The following CHCHD6 variants were observed in gnomAD, a reference collection of about 807,000 sequenced individuals.
CHCHD6 encodes MICOS complex subunit MIC25.
A neutral mutation model predicts 32.3 loss-of-function variants in CHCHD6; 28 were observed. The ratio of observed to expected loss-of-function variants is 0.87; its 90% CI spans 0.64 to 1.19. The LOEUF is 1.19. Among genes scored for constraint, CHCHD6 ranks in the 50% most tolerant of loss-of-function variants. The pLI, the probability that CHCHD6 is intolerant of heterozygous loss-of-function variation, is 0.00. For missense variants in CHCHD6, 333 were observed against 307.0 expected, an observed-to-expected ratio of 1.08 and a Z score of -0.63; for synonymous variants, 122 against 117.5, an observed-to-expected ratio of 1.04 and a Z score of -0.25.
rs116252682 is a variant in CHCHD6, at chr3:126,756,011, C to T, written c.411+22789C>T. 1.8e-3 allele frequency among the ~76,000 whole-genome samples: 267 copies of T among 152,250 alleles called. 1 individual carries two copies. Among genetic ancestry groups the T allele is most frequent in the African/African-American group, 6.2e-3 (256 of 41,542 alleles). On this transcript the variant is annotated intron_variant, in intron 4 of 7. Transcript: ENST00000290913. Reference sequence around the variant, plus strand: ...TGTGAGGCTCTGGGAGGTTAGTAAACTGTCCAGGGCCGTGCAGTGGGTCTG... The same window carrying T: ...TGTGAGGCTCTGGGAGGTTAGTAAATTGTCCAGGGCCGTGCAGTGGGTCTG...
intron 5 of CHCHD6, among the ~76,000 whole-genome samples, chr3:126,868,248 A>G (rs1346094036): frequency 6.6e-6 from 1 of 152,222 alleles, no homozygotes; most frequent in Non-Finnish European, 1.5e-5. Context: ...AGACTGCATC[A>G]GAGACGAGCC....
At chr3:126,885,212 A>G (rs930397775) in intron 5 of CHCHD6, among the ~76,000 whole-genome samples, 4 of 152,202 alleles carry the variant, frequency 2.6e-5, no homozygotes, top group Non-Finnish European at 5.9e-5. Context: ...GCTCCAGTCA[A>G]CGTGGGCCTC....
At position 126,768,269 on chromosome 3, in the gene CHCHD6, C is replaced by T. The variant is rs73201777; in HGVS notation, c.411+35047C>T. On this transcript the variant is annotated intron_variant, in intron 4 of 7. Coordinates refer to ENST00000290913, the MANE Select transcript of CHCHD6 (RefSeq NM_032343.3). ...TAAAAGTGTGTAGCACCTCCCCTAA[C>T]CTCTCTCTCTCGCTCCTGCTTCTGC... Among the ~76,000 whole-genome samples the T allele has an allele frequency of 8.6e-3, 1,302 of 152,122 alleles. 10 individuals carry two copies. The highest frequency in any genetic ancestry group is 0.017 in the Middle Eastern group (5 of 294).
At chr3:126,921,824 A>G (rs2078252676) in intron 6 of CHCHD6, among the ~76,000 whole-genome samples, 3 of 152,332 alleles carry the variant, frequency 2.0e-5, no homozygotes, top group South Asian at 2.1e-4. Context: ...ACCTGAGAGA[A>G]TGAATTGTTT....
At chr3:126,713,295 C>T (rs556995536) in intron 1 of CHCHD6, among the ~76,000 whole-genome samples, 28 of 152,304 alleles carry the variant, frequency 1.8e-4, no homozygotes, top group African/African-American at 6.5e-4. Flanking sequence ...CAGTCCTGCT[C>T]CCAGAGGCAG....
intron 4 of CHCHD6, among the ~76,000 whole-genome samples, chr3:126,813,510 T>G (rs116550171): frequency 0.012 from 1,813 of 152,340 alleles, 20 homozygotes; most frequent in Middle Eastern, 0.048. Flanking sequence ...TCTGAGCATC[T>G]GCTAGGTACT....
At chr3:126,768,218 G>A (rs556641329) in intron 4 of CHCHD6, among the ~76,000 whole-genome samples, 2 of 152,268 alleles carry the variant, frequency 1.3e-5, no homozygotes, top group African/African-American at 4.8e-5. Flanking sequence ...GTGATAGTGA[G>A]TGAATTCTTG....
chr3:126,848,703 A>G (rs1307843490), intron 4 of CHCHD6, among the ~76,000 whole-genome samples: 1 of 152,178 alleles, frequency 6.6e-6, no homozygotes, highest in Non-Finnish European at 1.5e-5. Context: ...TTTAGTTTCT[A>G]ATTGTTGAAG....
intron 6 of CHCHD6, among the ~76,000 whole-genome samples, chr3:126,944,364 A>C (rs768022474): frequency 6.6e-6 from 1 of 152,030 alleles, no homozygotes; most frequent in African/African-American, 2.4e-5. Context: ...TGGAGCCCCA[A>C]TGACTTAATT....
intron 5 of CHCHD6, among the ~76,000 whole-genome samples, chr3:126,869,886 G>A (rs73205616): frequency 0.025 from 3,843 of 152,262 alleles, 62 homozygotes; most frequent in Middle Eastern, 0.061. Context: ...CAATTAAGCA[G>A]TCACATTCAT....
chr3:126,931,403 G>A (rs1196397168), intron 6 of CHCHD6, among the ~76,000 whole-genome samples: 2 of 152,192 alleles, frequency 1.3e-5, no homozygotes, highest in Admixed American at 1.3e-4. Context: ...GCCTGCTTCT[G>A]CAGAGCCGAC....
At chr3:126,922,778 T>G (rs2078271035) in intron 6 of CHCHD6, among the ~76,000 whole-genome samples, 2 of 152,156 alleles carry the variant, frequency 1.3e-5, no homozygotes, top group South Asian at 4.1e-4. Flanking sequence ...TGCAGGCATT[T>G]ACTCCCATGC....
At chr3:126,757,430 A>AG in intron 4 of CHCHD6, among the ~76,000 whole-genome samples, 1 of 152,274 alleles carries the variant, frequency 6.6e-6, no homozygotes, top group Non-Finnish European at 1.5e-5. Context: ...CAAAAGGAAA[A>AG]GGGAAAATAT....
intron 4 of CHCHD6, among the ~76,000 whole-genome samples, chr3:126,786,875 T>C (rs1938239483): frequency 6.6e-6 from 1 of 152,162 alleles, no homozygotes; most frequent in Non-Finnish European, 1.5e-5. Context: ...TTGCTTTTGG[T>C]GTTTTAGACA....
intron 6 of CHCHD6, among the ~76,000 whole-genome samples, chr3:126,944,637 G>T (rs1326261819): frequency 6.6e-6 from 1 of 152,240 alleles, no homozygotes; most frequent in African/African-American, 2.4e-5. Flanking sequence ...AGTGAGAGGG[G>T]ACAGAGAGGC....
At chr3:126,825,965 A>G (rs770403481) in intron 4 of CHCHD6, among the ~76,000 whole-genome samples, 2 of 151,878 alleles carry the variant, frequency 1.3e-5, no homozygotes, top group Admixed American at 6.6e-5. Flanking sequence ...TCTCTGAAGG[A>G]CTCTTTCCAA....
At chr3:126,903,082 C>A (rs2077953872) in intron 5 of CHCHD6, among the ~76,000 whole-genome samples, 1 of 152,194 alleles carries the variant, frequency 6.6e-6, no homozygotes, top group East Asian at 1.9e-4. Context: ...CTGAGGGGAA[C>A]TGGGGCCTGC....
At chr3:126,763,947 T>C (rs966374699) in intron 4 of CHCHD6, among the ~76,000 whole-genome samples, 4 of 152,140 alleles carry the variant, frequency 2.6e-5, no homozygotes, top group African/African-American at 9.7e-5. Context: ...TGCTTTACAA[T>C]GGTTAAAAAT....
intron 4 of CHCHD6, among the ~76,000 whole-genome samples, chr3:126,757,163 C>A (rs1936982699): frequency 6.6e-6 from 1 of 152,182 alleles, no homozygotes. Context: ...CAAGTGCTGA[C>A]ATGACACTCA....
Sources: allele counts gnomAD v4.1 joint callset (sites outside exome capture counted in the v4.1 genomes callset), GRCh38; gene constraint gnomAD v4.1.1; transcripts MANE v1.5; gene names NCBI Gene and HGNC (gene_info 2026-07-23, HGNC 2026-07-21).